PLXND1: variants seen among roughly 807,000 people sequenced by gnomAD.
The protein encoded by PLXND1 is plexin-D1.
Under a neutral mutation model 197.7 loss-of-function variants are expected in PLXND1, and 54 were observed. The observed-to-expected ratio is 0.27, with a 90% CI of 0.22 to 0.34. PLXND1 has a LOEUF of 0.34. Ranked by LOEUF, PLXND1 falls within the 10% of genes least tolerant of loss-of-function variation. The pLI, the probability that PLXND1 is intolerant of heterozygous loss-of-function variation, is 1.00. For synonymous variants in PLXND1, 1,180 were observed against 1,161.2 expected, an observed-to-expected ratio of 1.02 and a Z score of -0.33; for missense variants, 2,127 against 2,699.2, an observed-to-expected ratio of 0.79 and a Z score of 4.70.
Position 129,606,308 on chromosome 3 carries a change from T to C in PLXND1, c.332A>G (p.Gln111Arg). 1 of 1,514,224 alleles carries C rather than the reference T, an allele frequency of 6.6e-7. No homozygotes were observed. Among genetic ancestry groups the C allele is most frequent in the Non-Finnish European group, 8.8e-7 (1 of 1,136,912 alleles). The allele number at this position is 1,514,224 out of a possible 1,614,324, so 93.8% of individuals were successfully genotyped here. ...SPLCHAPQLP[Q>R]ASCEHPRRLT... ...GCGCCGCGGGTGCTCGCACGAGGCC[T>C]GCGGCAGCTGCGGAGCGTGACACAG... Residue 111 changes from glutamine to arginine, a missense_variant, in exon 1 of 36, where the codon CAG (glutamine) becomes CGG (arginine). By Grantham distance (43) the Gln-to-Arg change is conservative (BLOSUM62 1). This residue lies in a region of PLXND1 where 245 missense variants were observed against 267.1 expected (regional missense o/e 0.92). Transcript: ENST00000324093.
Position 129,571,127 on chromosome 3 carries a change from G to A in PLXND1, c.3513C>T (p.Asp1171=), listed in dbSNP as rs1305987239. ...EAQRGSRFRL[D]YLPNPQFSTA... is the part of the protein sequence containing the mutation. The stretch of plus-strand genomic sequence containing the variant: ...TAGAGAACTGTGGGTTGGGGAGGTA[G>A]TCCAGGCGGAACCTGCTGCCCCGCT... Residue 1171 remains aspartate (D), a synonymous_variant, in exon 18 of 36, where the codon GAC becomes GAT. Transcript: ENST00000324093. 1.2e-6 allele frequency: 2 copies of A among 1,614,124 alleles called. No homozygotes were observed. Among genetic ancestry groups the A allele is most frequent in the Non-Finnish European group, 1.7e-6 (2 of 1,180,044 alleles).
rs2085040064 is a variant in PLXND1, at chr3:129,560,419, C to T, written c.5044G>A (p.Glu1682Lys). The T allele has an allele frequency of 2.5e-6, 4 of 1,613,216 alleles. No individual in the cohort carries two copies. The highest frequency in any genetic ancestry group is 1.7e-6 in the Non-Finnish European group (2 of 1,179,290). The change falls in exon 31 of 36, where the codon GAG becomes AAG. Residue 1682 changes from glutamate (E) to lysine (K), a missense_variant. Transcript: ENST00000324093. ...TGAGACTTCTTGGGCTCCGCCAGCT[C>T]GTCCGTAGGCAGCACCTGGGAGGCC... Reference protein sequence around the residue: ...KYFHLVLPTDELAEPKKSHRQ... With the variant: ...KYFHLVLPTDKLAEPKKSHRQ...
At chr3:129,568,733 G>C (rs747241895) in intron 20 of PLXND1, among the ~76,000 whole-genome samples, 1 of 152,236 alleles carries the variant, frequency 6.6e-6, no homozygotes, top group Non-Finnish European at 1.5e-5. Context: ...ATTTTTTGTA[G>C]AGATAAAGTT....
chr3:129,571,271 G>A lies in PLXND1; in HGVS notation c.3369C>T (p.Thr1123=), dbSNP rs757573036. The change falls in exon 18 of 36, where the codon ACC becomes ACT. Residue 1123 remains threonine, a synonymous_variant. Coordinates refer to ENST00000324093, the MANE Select transcript of PLXND1 (RefSeq NM_015103.3). ...TGCTCAGGGCCCCGGGGGACGGGCA[G>A]GTGATGAGGGTGGAGTTGAGAACCT... The part of the protein sequence containing the change: ...LCKVLNSTLI[T]CPSPGALSNA... 4.3e-6 allele frequency: 7 copies of A among 1,613,588 alleles called. No individual in the cohort carries two copies. Among genetic ancestry groups the A allele is most frequent in the Non-Finnish European group, 5.9e-6 (7 of 1,179,818 alleles).
In PLXND1 at chr3:129,567,685, C is replaced by G. The variant is rs1258073210; in HGVS notation, c.3973+13G>C. On this transcript the variant is annotated intron_variant, in intron 21 of 35. Coordinates refer to ENST00000324093, the MANE Select transcript of PLXND1 (RefSeq NM_015103.3). ...AAGTTGAGGCCCAGCCCTGCAGGGT[C>G]CCCGCCCACTACCTTTGCGGATTTC... is the stretch of plus-strand genomic sequence containing the variant. The G allele has an allele frequency of 1.9e-6, 3 of 1,588,446 alleles. No individual in the cohort carries two copies. Among genetic ancestry groups the G allele is most frequent in the Non-Finnish European group, 2.6e-6 (3 of 1,156,824 alleles).
intron 9 of PLXND1, 125 bp downstream of exon 9, chr3:129,578,204 C>T (rs939677345): frequency 8.6e-6 from 6 of 699,166 alleles, no homozygotes; most frequent in Admixed American, 4.4e-5. Context: ...AAAGCCCACA[C>T]AGGTGCGAAA....
Position 129,556,537 on chromosome 3 carries a change from G to T in PLXND1, c.5661+80C>A. The T allele has an allele frequency of 3.7e-6, 5 of 1,338,814 alleles. No homozygotes were observed. In the South Asian group the frequency reaches 5.9e-5, roughly 16 times the overall value. The allele number at this position is 1,338,814 out of a possible 1,614,324, so 82.9% of individuals were successfully genotyped here. ...CCACGAGTGACATCCGTCCATTAGGGGCAAGCACCCTGAGATGTGTGTCCT... is the reference window on the plus strand; with the variant it reads ...CCACGAGTGACATCCGTCCATTAGGTGCAAGCACCCTGAGATGTGTGTCCT... On this transcript the variant is annotated intron_variant, in intron 35 of 35. Transcript: ENST00000324093.
intron 11 of PLXND1, 36 bp downstream of exon 11, chr3:129,575,433 G>A (rs1476063236): frequency 1.5e-6 from 2 of 1,319,766 alleles, no homozygotes; most frequent in East Asian, 2.5e-5. Context: ...CTGCACTGAG[G>A]CCCCGAGGCC....
intron 1 of PLXND1, among the ~76,000 whole-genome samples, chr3:129,593,169 T>C (rs2626000): frequency 0.98 from 149,469 of 152,214 alleles, 73,450 homozygotes; most frequent in East Asian, 1. Flanking sequence ...ACCCAGCTCC[T>C]GGCTGTCCTC....
chr3:129,575,440 G>A (rs2085298116), intron 11 of PLXND1, 29 bp downstream of exon 11: 1 of 1,410,910 alleles, frequency 7.1e-7, no homozygotes, highest in African/African-American at 1.4e-5. Flanking sequence ...GAGGCCCCGA[G>A]GCCATGTGGG....
chr3:129,594,198 G>T (rs1310307627), intron 1 of PLXND1, among the ~76,000 whole-genome samples: 1 of 152,236 alleles, frequency 6.6e-6, no homozygotes, highest in East Asian at 1.9e-4. Context: ...TTGCACTTGA[G>T]AAGTGAGGGC....
chr3:129,571,018 C>A (rs202000329), intron 18 of PLXND1, 22 bp downstream of exon 18: 7 of 1,613,064 alleles, frequency 4.3e-6, no homozygotes, highest in South Asian at 1.1e-5. Flanking sequence ...CCCCCGCCTA[C>A]CCCGGCCCCT....
chr3:129,570,987 C>T (rs777414916), intron 18 of PLXND1, 52 bp from the exon 19 acceptor site: 35 of 1,613,332 alleles, frequency 2.2e-5, no homozygotes, highest in African/African-American at 5.3e-5. Flanking sequence ...CCGAGGCCCA[C>T]AGCTGAGGCT....
In PLXND1 at chr3:129,572,951, G is replaced by T; in HGVS notation, c.2838-10C>A. 6.2e-7 allele frequency: 1 copy of T among 1,604,082 alleles called. No individual in the cohort carries two copies. Reference sequence around the variant, plus strand: ...TGTGACACACACGATCCTGAGGGGAGGTGCTGTGGTCAGCCAGCGGTCCTT... The same window carrying T: ...TGTGACACACACGATCCTGAGGGGATGTGCTGTGGTCAGCCAGCGGTCCTT... On this transcript the variant is annotated splice_polypyrimidine_tract_variant and intron_variant, in intron 13 of 35. Coordinates refer to ENST00000324093, the MANE Select transcript of PLXND1 (RefSeq NM_015103.3).
chr3:129,565,898 C>T lies in PLXND1; in HGVS notation c.4311G>A (p.Ala1437=), dbSNP rs199930186. The T allele has an allele frequency of 2.4e-5, 39 of 1,613,980 alleles. No individual in the cohort carries two copies. The highest frequency in any genetic ancestry group is 4.4e-5 in the South Asian group (4 of 91,064). ...TGTCACAGCCTGACCTGTCGCGCAC[C>T]GCAAAGTCCTTCTGCTGCTCCAGCG... The part of the protein sequence containing the change: ...VHALEQQKDF[A]VRDRCSLASL... The change falls in exon 24 of 36, where the codon GCG becomes GCA. Residue 1437 remains alanine, a synonymous_variant. Coordinates refer to ENST00000324093, the MANE Select transcript of PLXND1 (RefSeq NM_015103.3).
At chr3:129,568,457 T>A (rs1340586294) in intron 20 of PLXND1, among the ~76,000 whole-genome samples, 1 of 152,232 alleles carries the variant, frequency 6.6e-6, no homozygotes. Context: ...CTGCATTGAA[T>A]ATACTCACTT....
chr3:129,560,809 G>A, intron 29 of PLXND1, 86 bp from the exon 30 acceptor site: 1 of 841,628 alleles, frequency 1.2e-6, no homozygotes, highest in Non-Finnish European at 2.1e-6. Context: ...GTGAGAAACA[G>A]AAACAAGACA....
Position 129,586,995 on chromosome 3 carries a change from C to G in PLXND1, c.1489-276G>C, listed in dbSNP as rs78489883. ...GGCTTTGTAGTTTACGAAACGTGCT[C>G]TGGGAGGCTGTTAGGCACCATGGCT... On this transcript the variant is annotated intron_variant, in intron 2 of 35. Transcript: ENST00000324093. Among the ~76,000 whole-genome samples the G allele has an allele frequency of 4.5e-3, 683 of 152,300 alleles. 2 individuals are homozygous for G. Among genetic ancestry groups the G allele is most frequent in the Non-Finnish European group, 7.3e-3 (499 of 68,022 alleles).
chr3:129,563,198 T>C lies in PLXND1; in HGVS notation c.4564A>G (p.Lys1522Glu). 6.2e-7 allele frequency: 1 copy of C among 1,612,714 alleles called. No homozygotes were observed. Among genetic ancestry groups the C allele is most frequent in the Non-Finnish European group, 8.5e-7 (1 of 1,179,290 alleles). ...EPFFLLLCAI[K>E]QQINKGSIDA... is the part of the protein sequence containing the mutation. ...ATGGAGCCCTTGTTGATTTGCTGCT[T>C]GATGGCACACAGCAGCAGGAAGAAT... is the stretch of plus-strand genomic sequence containing the variant. Residue 1522 changes from lysine to glutamate, a missense_variant, in exon 26 of 36, where the codon AAG (lysine) becomes GAG (glutamate). Coordinates refer to ENST00000324093, the MANE Select transcript of PLXND1 (RefSeq NM_015103.3).
Sources: gnomAD v4.1 joint callset for allele counts (sites outside exome capture counted in the v4.1 genomes callset) on GRCh38, gnomAD v4.1.1 for gene constraint, gnomAD v4.1.1 regional missense constraint, MANE v1.5 for transcripts, NCBI Gene and HGNC (gene_info 2026-07-23, HGNC 2026-07-21) for gene names.